Variants in ARSL observed in about 807,000 individuals in gnomAD.
The protein encoded by ARSL is arylsulfatase L, also known as arylsulfatase E (chondrodysplasia punctata 1).
In ARSL, 4 loss-of-function variants were observed where a neutral mutation model predicts 31.1. The observed-to-expected ratio is 0.13, with a 90% confidence interval of 0.06 to 0.29. The LOEUF is 0.29. ARSL is among the 10% of genes least tolerant of loss of function. The pLI is 1.00. For missense variants in ARSL, 312 were observed against 497.8 expected, an observed-to-expected ratio of 0.63 and a Z score of 3.55; for synonymous variants, 198 against 209.9, an observed-to-expected ratio of 0.94 and a Z score of 0.49.
At chrX:2,953,356 A>G in intron 4 of ARSL, 91 bp from the exon 5 acceptor site, 8 of 1,030,690 alleles carry the variant, frequency 7.8e-6, no homozygotes, top group Non-Finnish European at 9.2e-6. Context: ...AACACTTGGT[A>G]AAAATCTCTC....
In ARSL at chrX:2,934,753, A is replaced by G; in HGVS notation, c.*79T>C. 2.0e-6 allele frequency: 2 copies of G among 1,017,409 alleles called. No homozygotes were observed. The highest frequency in any genetic ancestry group is 2.2e-5 in the South Asian group (1 of 46,001). The allele number at this position is 1,017,409 out of a possible 1,213,427, so 83.8% of individuals were successfully genotyped here. A position where few individuals can be genotyped will look rare whatever the true frequency, so the allele number is the denominator to read the frequency against. ...GGCCTCCTAAAGTGCTGGGATGACAACCACCATGGCCAGCTGGTTTGTTTC... is the reference window on the plus strand; with the variant it reads ...GGCCTCCTAAAGTGCTGGGATGACAGCCACCATGGCCAGCTGGTTTGTTTC... On this transcript the variant is annotated 3_prime_UTR_variant, in exon 11 of 11. Transcript: ENST00000381134.
At chrX:2,956,634 G>C (rs914336198) in intron 3 of ARSL, among the ~76,000 whole-genome samples, 1 of 109,561 alleles carries the variant, frequency 9.1e-6, no homozygotes, top group Non-Finnish European at 1.9e-5. Context: ...GCTAATTTTT[G>C]TATTTTTAGT....
At chrX:2,964,139 G>A (rs2089676439) in intron 1 of ARSL, 85 bp downstream of exon 1, 1 of 749,806 alleles carries the variant, frequency 1.3e-6, no homozygotes. Context: ...ACAGAAAAGG[G>A]AACGGGGAGC....
intron 2 of ARSL, 93 bp downstream of exon 2, chrX:2,960,285 A>G: frequency 2.2e-6 from 1 of 458,919 alleles, no homozygotes; most frequent in African/African-American, 2.7e-5. Context: ...AAAAAAAAAA[A>G]AAAAAAAAAG....
intron 8 of ARSL, among the ~76,000 whole-genome samples, chrX:2,940,731 T>A (rs1211523950): frequency 9.2e-6 from 1 of 108,856 alleles, no homozygotes; most frequent in Non-Finnish European, 1.9e-5. Context: ...AGGTGAGGAG[T>A]TTGAGACCAG....
chrX:2,935,337 T>C (rs1207102207), intron 10 of ARSL, 147 bp from the exon 11 acceptor site: 2 of 511,696 alleles, frequency 3.9e-6, no homozygotes, highest in East Asian at 7.1e-5. Context: ...ACATCTTACA[T>C]GGCATACTCT....
At chrX:2,956,845 A>G (rs1261944272) in intron 3 of ARSL, among the ~76,000 whole-genome samples, 1 of 110,646 alleles carries the variant, frequency 9.0e-6, no homozygotes, top group Non-Finnish European at 1.9e-5. Context: ...CCTGGGCTCA[A>G]GTGATCCTCC....
rs188352782 is a variant in ARSL, at chrX:2,958,149, C to T, written c.185+125G>A. On this transcript the variant is annotated intron_variant, in intron 3 of 10. Coordinates refer to ENST00000381134, the MANE Select transcript of ARSL (RefSeq NM_000047.3). ...AGTAACATTAGGGAGAGTTAGAAAA[C>T]GCAGAAGTGCAGAACTCTTGAAGTG... 73 of 953,409 alleles carry T rather than the reference C, an allele frequency of 7.7e-5. No homozygotes were observed. The East Asian group carries it at 1.2e-3, about 16-fold the overall frequency. The allele number at this position is 953,409 out of a possible 1,213,427, so 78.6% of individuals were successfully genotyped here.
intron 3 of ARSL, among the ~76,000 whole-genome samples, chrX:2,957,220 C>CAAAAAAAAAA (rs746761169): frequency 3.3e-5 from 3 of 90,944 alleles, no homozygotes; most frequent in African/African-American, 1.2e-4. Flanking sequence ...GACTCCGTCT[C>CAAAAAAAAAA]AAAAAAAAAA....
At chrX:2,960,598 T>C (rs1280793714) in intron 1 of ARSL, 178 bp from the exon 2 acceptor site, 1 of 448,283 alleles carries the variant, frequency 2.2e-6, no homozygotes, top group East Asian at 3.9e-5. Context: ...GTGAAAAGGC[T>C]TCAAAAATGT....
intron 7 of ARSL, among the ~76,000 whole-genome samples, chrX:2,944,242 T>G (rs2089328917): frequency 9.3e-6 from 1 of 107,909 alleles, no homozygotes; most frequent in Non-Finnish European, 1.9e-5. Flanking sequence ...GATCACAAGG[T>G]CAGCAGTTCG....
At position 2,961,858 on chromosome X, in the gene ARSL, G is replaced by GTT. The variant is rs772533894; in HGVS notation, c.-20-1440_-20-1439dup. ...AGATTTCTTTTCTAGGGATCCCAGG[G>GTT]TTTTTTTTTTTTTTTTTTAATCTTT... On this transcript the variant is annotated intron_variant, in intron 1 of 10. Coordinates refer to ENST00000381134, the MANE Select transcript of ARSL (RefSeq NM_000047.3). 2.9e-4 allele frequency among the ~76,000 whole-genome samples: 27 copies of GTT among 92,101 alleles called. 1 individual carries two copies. Among genetic ancestry groups the GTT allele is most frequent in the African/African-American group, 4.7e-4 (12 of 25,621 alleles). 80.0% of individuals were successfully genotyped at this position (92,101 alleles called of 115,157 possible).
At position 2,953,210 on chromosome X, in the gene ARSL, A is replaced by G. The variant is rs763197729; in HGVS notation, c.363T>C (p.Gly121=). The G allele has an allele frequency of 8.3e-7, 1 of 1,210,532 alleles. No individual in the cohort carries two copies. The highest frequency in any genetic ancestry group is 1.8e-5 in the South Asian group (1 of 56,945). The change falls in exon 5 of 11, where the codon GGT becomes GGC. Residue 121 remains glycine, a synonymous_variant. Coordinates refer to ENST00000381134, the MANE Select transcript of ARSL (RefSeq NM_000047.3). ...RVLQWTGASG[G]LPTNETTFAK... The stretch of plus-strand genomic sequence containing the variant: ...CAAAAGTTGTCTCATTTGTTGGAAG[A>G]CCTCCAGATGCTCCGGTCCACTGAA...
At chrX:2,956,248 G>A (rs750838595) in intron 3 of ARSL, among the ~76,000 whole-genome samples, 11 of 111,561 alleles carry the variant, frequency 9.9e-5, no homozygotes, top group Non-Finnish European at 2.1e-4. Context: ...ACAGGAGGAC[G>A]GACTAGCTCT....
intron 6 of ARSL, 69 bp from the exon 7 acceptor site, chrX:2,946,203 T>A: frequency 9.8e-7 from 1 of 1,023,014 alleles, no homozygotes. Context: ...CTGTAGATAC[T>A]AAATACGGAT....
rs72619382 is a variant in ARSL, at chrX:2,959,758, C to G, written c.23+620G>C. Reference sequence around the variant, plus strand: ...TCAGTGCATTCTGAGAAAGCACCATCAAGAGATCCAGAAGCGGTCAGGCGT... The same window carrying G: ...TCAGTGCATTCTGAGAAAGCACCATGAAGAGATCCAGAAGCGGTCAGGCGT... On this transcript the variant is annotated intron_variant, in intron 2 of 10. Coordinates refer to ENST00000381134, the MANE Select transcript of ARSL (RefSeq NM_000047.3). 1,808 of 1,119,511 alleles carry G rather than the reference C, an allele frequency of 1.6e-3. 31 individuals carry two copies. The East Asian group carries it at 0.048, about 30-fold the overall frequency. 92.3% of individuals were successfully genotyped at this position (1,119,511 alleles called of 1,213,427 possible). A position where few individuals can be genotyped will look rare whatever the true frequency, so the allele number is the denominator to read the frequency against.
chrX:2,966,673 AT>A (rs2089702191), upstream of ARSL, among the ~76,000 whole-genome samples: 1 of 108,140 alleles, frequency 9.2e-6, no homozygotes, highest in Non-Finnish European at 1.9e-5. Flanking sequence ...ATAAAGCATA[AT>A]TTTTCTTTAT....
intron 5 of ARSL, among the ~76,000 whole-genome samples, chrX:2,952,451 G>A (rs1224271196): frequency 9.0e-6 from 1 of 111,503 alleles, no homozygotes; most frequent in African/African-American, 3.3e-5. Context: ...ACAGGCATGA[G>A]CCACCGCGCC....
At chrX:2,935,394 C>T (rs982071419) in intron 10 of ARSL, among the ~76,000 whole-genome samples, 4 of 112,260 alleles carry the variant, frequency 3.6e-5, no homozygotes, top group East Asian at 2.8e-4. Context: ...GCAACATCAA[C>T]GAACTTTCAA....
Sources: gnomAD v4.1 joint callset for allele counts (sites outside exome capture counted in the v4.1 genomes callset) on GRCh38, gnomAD v4.1.1 for gene constraint, MANE v1.5 for transcripts, NCBI Gene and HGNC (gene_info 2026-07-23, HGNC 2026-07-21) for gene names.